Variants in NWD2 observed in about 807,000 individuals in gnomAD.
NWD2 encodes the protein NACHT and WD repeat domain containing 2, also known as NACHT and WD repeat domain-containing protein 2.
In NWD2, 37 loss-of-function variants were observed where a neutral mutation model predicts 132.7. That is an observed-to-expected ratio of 0.28 (90% CI 0.21 to 0.37). The LOEUF (loss-of-function observed/expected upper bound fraction) is 0.37, where lower values mean the gene tolerates loss of function less well. Among genes scored for constraint, NWD2 ranks in the 10% least tolerant of loss-of-function variants. The pLI is 1.00. For synonymous variants in NWD2, 705 were observed against 803.0 expected (o/e 0.88, Z 2.06); for missense variants, 1,592 against 2,122.4 (o/e 0.75, Z 4.91).
At chr4:37,397,719 C>G (rs369670809) in intron 3 of NWD2, among the ~76,000 whole-genome samples, 1 of 152,226 alleles carries the variant, frequency 6.6e-6, no homozygotes. Flanking sequence ...AATTGCTTGA[C>G]GAAGGAAATT....
chr4:37,289,280 A>G (rs1718309947), intron 1 of NWD2, among the ~76,000 whole-genome samples: 2 of 152,160 alleles, frequency 1.3e-5, no homozygotes, highest in African/African-American at 2.4e-5. Flanking sequence ...TTTTCATATA[A>G]TTTCTGACTT....
intron 1 of NWD2, among the ~76,000 whole-genome samples, chr4:37,316,258 A>C (rs1030548253): frequency 2.0e-5 from 3 of 151,970 alleles, no homozygotes; most frequent in East Asian, 1.9e-4. Flanking sequence ...TGAATATAGA[A>C]TTATTGGTTG....
At chr4:37,442,705 A>G (rs79293829) in intron 6 of NWD2, among the ~76,000 whole-genome samples, 3,355 of 152,298 alleles carry the variant, frequency 0.022, 59 homozygotes, top group Non-Finnish European at 0.031. Flanking sequence ...CTATAACACC[A>G]TAAAATTATC....
At chr4:37,336,199 G>T (rs536614482) in intron 2 of NWD2, among the ~76,000 whole-genome samples, 1 of 151,664 alleles carries the variant, frequency 6.6e-6, no homozygotes, top group East Asian at 1.9e-4. Flanking sequence ...ATTCTTTCTG[G>T]TTTTTCTTAG....
intron 4 of NWD2, 138 bp downstream of exon 4, chr4:37,430,913 T>A: frequency 1.5e-6 from 1 of 689,236 alleles, no homozygotes; most frequent in Non-Finnish European, 2.4e-6. Flanking sequence ...GTTTTCCTTT[T>A]AACAACTAAA....
chr4:37,274,370 G>A (rs1214090072), intron 1 of NWD2, among the ~76,000 whole-genome samples: 1 of 152,050 alleles, frequency 6.6e-6, no homozygotes, highest in Non-Finnish European at 1.5e-5. Flanking sequence ...ACCCTCCCAA[G>A]ACCAAACCAG....
chr4:37,433,853 T>TTC, intron 4 of NWD2, 23 bp from the exon 5 acceptor site: 1 of 1,498,926 alleles, frequency 6.7e-7, no homozygotes, highest in Non-Finnish European at 8.9e-7. Context: ...TAAGACTAAT[T>TTC]TCTCCCTTTT....
chr4:37,398,641 AG>A (rs1406267807), intron 3 of NWD2, among the ~76,000 whole-genome samples: 1 of 152,234 alleles, frequency 6.6e-6, no homozygotes, highest in Admixed American at 6.5e-5. Context: ...GCCCCTAAAA[AG>A]GACATCCTGC....
intron 3 of NWD2, among the ~76,000 whole-genome samples, chr4:37,401,822 T>C (rs1425520900): frequency 3.3e-5 from 5 of 152,332 alleles, no homozygotes; most frequent in African/African-American, 1.2e-4. Context: ...TTTTCCCATC[T>C]GCAGTGTCTT....
intron 4 of NWD2, among the ~76,000 whole-genome samples, chr4:37,432,364 GAA>G (rs71185140): frequency 0.26 from 36,547 of 138,536 alleles, 4,515 homozygotes; most frequent in East Asian, 0.42. Context: ...GGGTGAAGAA[GAA>G]AAAAAAAAAA....
intron 2 of NWD2, among the ~76,000 whole-genome samples, chr4:37,350,238 G>A (rs565192674): frequency 2.5e-4 from 38 of 152,306 alleles, no homozygotes; most frequent in African/African-American, 9.1e-4. Flanking sequence ...ATGATAGCTT[G>A]ATGGGGATAG....
intron 3 of NWD2, among the ~76,000 whole-genome samples, chr4:37,410,791 CTG>C (rs1435788316): frequency 1.3e-5 from 2 of 152,184 alleles, no homozygotes; most frequent in African/African-American, 4.8e-5. Context: ...TCATAACAAA[CTG>C]TCTCTCAGAC....
chr4:37,251,667 G>T (rs1717362898), intron 1 of NWD2, among the ~76,000 whole-genome samples: 1 of 152,232 alleles, frequency 6.6e-6, no homozygotes. Context: ...CAGATCTTAT[G>T]CAGGTGCATC....
chr4:37,427,126 G>C (rs1393129557), intron 3 of NWD2, among the ~76,000 whole-genome samples: 3 of 151,430 alleles, frequency 2.0e-5, no homozygotes, highest in Non-Finnish European at 4.4e-5. Flanking sequence ...TGTGCTGCCT[G>C]TCTACCTGGT....
At chr4:37,306,283 T>C (rs1718706687) in intron 1 of NWD2, among the ~76,000 whole-genome samples, 1 of 152,134 alleles carries the variant, frequency 6.6e-6, no homozygotes, top group South Asian at 2.1e-4. Flanking sequence ...AAACCAACTT[T>C]TTCTTTCACT....
Position 37,444,102 on chromosome 4 carries a change from A to T in NWD2, c.2114A>T (p.Tyr705Phe). The part of the protein sequence containing the change: ...TRPSNPLRVP[Y>F]LYIARLKEGL... Reference sequence around the variant, plus strand: ...CCCAGCAATCCCCTGAGAGTACCTTACTTGTACATTGCAAGGCTCAAGGAG... The same window carrying T: ...CCCAGCAATCCCCTGAGAGTACCTTTCTTGTACATTGCAAGGCTCAAGGAG... Residue 705 changes from tyrosine to phenylalanine, a missense_variant, in exon 7 of 7, where the codon TAC (tyrosine) becomes TTC (phenylalanine). Transcript: ENST00000309447. This position sits in a 1 kb window ranked among gnomAD's most constrained non-coding sequence, Gnocchi z 4.8. 5 of 1,551,740 alleles carry T rather than the reference A, an allele frequency of 3.2e-6. No homozygotes were observed. Among genetic ancestry groups the T allele is most frequent in the Non-Finnish European group, 4.4e-6 (5 of 1,146,998 alleles).
chr4:37,385,247 G>A (rs1720536338), intron 3 of NWD2, among the ~76,000 whole-genome samples: 1 of 151,972 alleles, frequency 6.6e-6, no homozygotes, highest in Non-Finnish European at 1.5e-5. Context: ...GGAATTTAGG[G>A]GATCAGTAAA....
chr4:37,411,678 C>T (rs536176022), intron 3 of NWD2, among the ~76,000 whole-genome samples: 1 of 151,916 alleles, frequency 6.6e-6, no homozygotes, highest in African/African-American at 2.4e-5. Flanking sequence ...AGAGACACAA[C>T]AAAAAAAGAA....
intron 3 of NWD2, among the ~76,000 whole-genome samples, chr4:37,387,079 C>G (rs1008419331): frequency 6.6e-6 from 1 of 152,052 alleles, no homozygotes; most frequent in Non-Finnish European, 1.5e-5. Context: ...CCAATCAGTT[C>G]GGTAAATGAA....
Sources: gnomAD v4.1 joint callset for allele counts (sites outside exome capture counted in the v4.1 genomes callset) on GRCh38, gnomAD v4.1.1 for gene constraint, Gnocchi (gnomAD v3.1) non-coding constraint, MANE v1.5 for transcripts, NCBI Gene and HGNC (gene_info 2026-07-23, HGNC 2026-07-21) for gene names.